Variants in SKAP2 observed in about 807,000 individuals in gnomAD.
SKAP2 encodes the protein src kinase-associated phosphoprotein 2.
SKAP2 carries 28 observed loss-of-function variants against 54.9 expected under a neutral mutation model. The ratio of observed to expected loss-of-function variants is 0.51; its 90% CI spans 0.38 to 0.70. SKAP2 has a LOEUF of 0.70. Ranked by LOEUF, SKAP2 falls within the 30% of genes least tolerant of loss-of-function variation. The pLI, the probability that SKAP2 is intolerant of heterozygous loss-of-function variation, is 0.00. For synonymous variants in SKAP2, 137 were observed against 134.3 expected, an observed-to-expected ratio of 1.02 and a Z score of -0.14; for missense variants, 356 against 424.1, an observed-to-expected ratio of 0.84 and a Z score of 1.41.
intron 9 of SKAP2, among the ~76,000 whole-genome samples, chr7:26,697,505 C>T (rs992139208): frequency 1.3e-5 from 2 of 152,082 alleles, no homozygotes; most frequent in African/African-American, 4.8e-5. Flanking sequence ...CTTTACAACC[C>T]AAATTCTTGG....
At chr7:26,840,560 G>A (rs905435488) in intron 4 of SKAP2, among the ~76,000 whole-genome samples, 9 of 152,010 alleles carry the variant, frequency 5.9e-5, no homozygotes, top group African/African-American at 2.2e-4. Context: ...TATTCTTTAA[G>A]GTTGTAAATC....
intron 4 of SKAP2, among the ~76,000 whole-genome samples, chr7:26,764,260 C>G (rs1782995932): frequency 1.3e-5 from 2 of 152,090 alleles, no homozygotes; most frequent in African/African-American, 2.4e-5. Context: ...GGTACAGTAC[C>G]TAGTAGTGCA....
chr7:26,705,839 G>A (rs929290434), intron 9 of SKAP2, among the ~76,000 whole-genome samples: 8 of 152,112 alleles, frequency 5.3e-5, no homozygotes, highest in African/African-American at 9.7e-5. Flanking sequence ...AATTTAGCAG[G>A]AGCCTGTCTC....
chr7:26,833,590 G>A (rs958808699), intron 4 of SKAP2, among the ~76,000 whole-genome samples: 1 of 151,976 alleles, frequency 6.6e-6, no homozygotes, highest in African/African-American at 2.4e-5. Context: ...TGATAAAACA[G>A]ACATTAAAAC....
intron 4 of SKAP2, among the ~76,000 whole-genome samples, chr7:26,804,203 C>T (rs982472261): frequency 2.0e-5 from 3 of 151,960 alleles, no homozygotes; most frequent in Non-Finnish European, 4.4e-5. Flanking sequence ...ACTGCATGCC[C>T]GTATCAAAAT....
At chr7:26,726,116 C>T (rs1009636494) in intron 7 of SKAP2, 130 bp from the exon 8 acceptor site, 1 of 608,074 alleles carries the variant, frequency 1.6e-6, no homozygotes, top group South Asian at 2.1e-5. Context: ...TGCAAGGATG[C>T]TTCTTATAAT....
At chr7:26,771,275 T>G (rs1783183086) in intron 4 of SKAP2, among the ~76,000 whole-genome samples, 2 of 152,184 alleles carry the variant, frequency 1.3e-5, no homozygotes, top group Admixed American at 1.3e-4. Flanking sequence ...CCTATTGTAA[T>G]CAAAGAGCCT....
At chr7:26,761,384 G>C (rs368251365) in intron 4 of SKAP2, among the ~76,000 whole-genome samples, 1 of 152,172 alleles carries the variant, frequency 6.6e-6, no homozygotes, top group African/African-American at 2.4e-5. Flanking sequence ...CATCTCCAAT[G>C]TAATGCATAG....
rs140748790 is a variant in SKAP2, at chr7:26,782,050, T to A, written c.308-42086A>T. ...TGCTTCTATGCTTCTGTGATTAGTA[T>A]CTATTTTCTCCACTAGACTTTAAGT... On this transcript the variant is annotated intron_variant, in intron 4 of 12. Coordinates refer to ENST00000345317, the MANE Select transcript of SKAP2 (RefSeq NM_003930.5). Among the ~76,000 whole-genome samples the A allele has an allele frequency of 4.8e-3, 724 of 152,348 alleles. 11 individuals are homozygous for A. Among genetic ancestry groups the A allele is most frequent in the Admixed American group, 0.02 (304 of 15,300 alleles).
rs761724642 is a variant in SKAP2, at chr7:26,844,125, T to A, written c.212A>T (p.Asp71Val). 1 of 1,596,472 alleles carries A rather than the reference T, an allele frequency of 6.3e-7. No homozygotes were observed. Among genetic ancestry groups the A allele is most frequent in the Admixed American group, 1.7e-5 (1 of 59,562 alleles). The stretch of plus-strand genomic sequence containing the variant: ...AAAAGGGTCATCATATTCTTCCCCA[T>A]CTTCTGCATCACCTGTTAAAAAAAA... ...QEFQDKGDAEDGEEYDDPFAG... is the reference protein window; with the variant it reads ...QEFQDKGDAEVGEEYDDPFAG... The change falls in exon 4 of 13, where the codon GAT (aspartate) becomes GTT (valine). Residue 71 changes from aspartate to valine, a missense_variant. By Grantham distance (152) the Asp-to-Val change is radical. Transcript: ENST00000345317.
At chr7:26,715,578 A>T (rs539994751) in intron 9 of SKAP2, among the ~76,000 whole-genome samples, 7 of 152,180 alleles carry the variant, frequency 4.6e-5, no homozygotes, top group African/African-American at 1.7e-4. Context: ...GGAGTTCAAG[A>T]CCAGCCTGGC....
chr7:26,815,668 G>C (rs952470182), intron 4 of SKAP2, among the ~76,000 whole-genome samples: 4 of 152,090 alleles, frequency 2.6e-5, no homozygotes, highest in Admixed American at 2.0e-4. Flanking sequence ...TGGAAGACGA[G>C]TGGGAGGTTC....
the SKAP2 span, among the ~76,000 whole-genome samples, chr7:26,657,745 C>T: frequency 1.4e-5 from 2 of 146,936 alleles, no homozygotes; most frequent in African/African-American, 5.0e-5. Context: ...GCCCCCCCCG[C>T]CCCAACTTAC....
chr7:26,802,399 G>A lies in SKAP2; in HGVS notation c.307+41631C>T, dbSNP rs546934886. Among the ~76,000 whole-genome samples the A allele has an allele frequency of 8.4e-4, 127 of 150,816 alleles. 2 individuals are homozygous for A. The highest frequency in any genetic ancestry group is 6.9e-3 in the Middle Eastern group (2 of 290). On this transcript the variant is annotated intron_variant, in intron 4 of 12. Transcript: ENST00000345317. ...CGATTCTCCTGCCTCAGCCTCCCAA[G>A]TAGCTAGGGCTACAGACATGCACCA...
intron 3 of SKAP2, chr7:26,848,090 A>G (rs1784962574): frequency 6.6e-6 from 1 of 152,220 alleles, no homozygotes; most frequent in Non-Finnish European, 1.5e-5. Context: ...TTTTAAATTT[A>G]TACTAGCTGG....
At chr7:26,704,706 G>A (rs1787120168) in intron 9 of SKAP2, among the ~76,000 whole-genome samples, 1 of 152,170 alleles carries the variant, frequency 6.6e-6, no homozygotes, top group South Asian at 2.1e-4. Flanking sequence ...AAAGAAGCAA[G>A]GTAGAACCTG....
At chr7:26,766,374 C>T (rs1783054874) in intron 4 of SKAP2, among the ~76,000 whole-genome samples, 1 of 151,676 alleles carries the variant, frequency 6.6e-6, no homozygotes, top group Non-Finnish European at 1.5e-5. Context: ...ATTTTAGGCT[C>T]AGACGATGGG....
At chr7:26,760,697 T>A (rs1451552244) in intron 4 of SKAP2, among the ~76,000 whole-genome samples, 1 of 152,202 alleles carries the variant, frequency 6.6e-6, no homozygotes, top group Non-Finnish European at 1.5e-5. Context: ...TGTGGGCAAC[T>A]GAAACCACAG....
intron 4 of SKAP2, among the ~76,000 whole-genome samples, chr7:26,741,276 G>C (rs551776292): frequency 6.1e-4 from 93 of 152,258 alleles, no homozygotes; most frequent in African/African-American, 2.2e-3. Flanking sequence ...CAGCACTTTG[G>C]GAGGCTAAGG....
Sources: allele counts gnomAD v4.1 joint callset (sites outside exome capture counted in the v4.1 genomes callset), GRCh38; gene constraint gnomAD v4.1.1; transcripts MANE v1.5; gene names NCBI Gene and HGNC (gene_info 2026-07-23, HGNC 2026-07-21).